Variants in MCTP1 observed in about 807,000 individuals in gnomAD.
MCTP1 encodes multiple C2 and transmembrane domain containing 1, also known as multiple C2 and transmembrane domain-containing protein 1.
In MCTP1, 69 loss-of-function variants were observed where a neutral mutation model predicts 120.6. The observed-to-expected ratio is 0.57, with a 90% CI of 0.47 to 0.70. The LOEUF is 0.70. MCTP1 is among the 30% of genes least tolerant of loss of function. The probability of loss-of-function intolerance (pLI) is 0.00; values close to 1 mark genes in which losing one functional copy is unlikely to be tolerated. For synonymous variants in MCTP1, 529 were observed against 493.1 expected (o/e 1.07, Z -0.96); for missense variants, 1,203 against 1,248.8 (o/e 0.96, Z 0.55).
At chr5:94,720,940 C>G (rs890456895) in intron 19 of MCTP1, among the ~76,000 whole-genome samples, 6 of 152,140 alleles carry the variant, frequency 3.9e-5, no homozygotes, top group South Asian at 2.1e-4. Flanking sequence ...TTTCTCCACT[C>G]TACAGAAGAG....
At chr5:95,126,375 G>A (rs1375326556) in intron 1 of MCTP1, among the ~76,000 whole-genome samples, 1 of 152,172 alleles carries the variant, frequency 6.6e-6, no homozygotes, top group East Asian at 1.9e-4. Context: ...ATGAAGGCGA[G>A]TCATAAATAA....
rs1368017737 is a variant in MCTP1, at chr5:95,284,001, TG to T, written c.574del (p.His192ThrfsTer51). 48 of 1,470,456 alleles carry T rather than the reference TG, an allele frequency of 3.3e-5. No homozygotes were observed. The highest frequency in any genetic ancestry group is 4.3e-5 in the Non-Finnish European group (48 of 1,114,504). The allele number at this position is 1,470,456 out of a possible 1,614,324, so 91.1% of individuals were successfully genotyped here. Reference sequence around the variant, plus strand: ...AGAGGAGCTCTTCTGGTGGCACAAGTGCGCCCCGGGGCCCTGACGCCGTGCA... The same window carrying T: ...AGAGGAGCTCTTCTGGTGGCACAAGTCGCCCCGGGGCCCTGACGCCGTGCA... ...EGARRQGPGA[H>X]LCHQKSSSLP... On this transcript the variant is annotated frameshift_variant, in exon 1 of 23. Coordinates refer to ENST00000515393, the MANE Select transcript of MCTP1 (RefSeq NM_024717.7). LOFTEE classifies it high-confidence loss of function. The surrounding 1 kb of genome is among the most constrained non-coding windows in gnomAD (Gnocchi z 5.2).
chr5:95,260,345 T>C (rs1007664410), intron 1 of MCTP1, among the ~76,000 whole-genome samples: 5 of 152,134 alleles, frequency 3.3e-5, no homozygotes, highest in African/African-American at 1.2e-4. Flanking sequence ...TTTAAAAAAA[T>C]AGACAATTGC....
At chr5:94,966,845 C>T (rs978335621) in intron 2 of MCTP1, among the ~76,000 whole-genome samples, 1 of 151,610 alleles carries the variant, frequency 6.6e-6, no homozygotes, top group Admixed American at 6.6e-5. Flanking sequence ...CAAACTCAAT[C>T]TCAAATCTGA....
chr5:95,197,764 T>C (rs908126188), intron 1 of MCTP1, among the ~76,000 whole-genome samples: 1 of 152,120 alleles, frequency 6.6e-6, no homozygotes, highest in African/African-American at 2.4e-5. Context: ...TATGCATGCA[T>C]ATAGAGTTGT....
chr5:95,010,333 G>A (rs1048769192), intron 2 of MCTP1, among the ~76,000 whole-genome samples: 11 of 151,722 alleles, frequency 7.3e-5, no homozygotes, highest in African/African-American at 1.5e-4. Context: ...CCATAATTCC[G>A]GTTCAAGCTC....
chr5:94,745,628 A>G (rs934746503), intron 19 of MCTP1, among the ~76,000 whole-genome samples: 9 of 152,210 alleles, frequency 5.9e-5, no homozygotes, highest in African/African-American at 2.2e-4. Context: ...GGGAGGCATC[A>G]TTATATTTAT....
chr5:94,710,500 G>T (rs10041551), intron 21 of MCTP1: 48,987 of 238,064 alleles, frequency 0.21, 6,267 homozygotes, highest in Non-Finnish European at 0.28. Context: ...GGATTGAAAT[G>T]CCTCTGTTTG....
chr5:95,238,518 C>A (rs1362611101), intron 1 of MCTP1, among the ~76,000 whole-genome samples: 1 of 152,074 alleles, frequency 6.6e-6, no homozygotes, highest in African/African-American at 2.4e-5. Context: ...ACGCAGATGC[C>A]AAATCAATGT....
intron 1 of MCTP1, among the ~76,000 whole-genome samples, chr5:95,265,231 TACA>T (rs200019008): frequency 0.013 from 1,924 of 152,192 alleles, 16 homozygotes; most frequent in Non-Finnish European, 0.021. Context: ...TGGCCTTCTG[TACA>T]ACAAGCTTCA....
chr5:95,066,617 A>G (rs1344630133), intron 1 of MCTP1, among the ~76,000 whole-genome samples: 1 of 152,242 alleles, frequency 6.6e-6, no homozygotes, highest in Non-Finnish European at 1.5e-5. Flanking sequence ...AAACTTATAA[A>G]GAAAATTTAA....
At chr5:94,750,197 G>A (rs1767961200) in intron 19 of MCTP1, among the ~76,000 whole-genome samples, 2 of 152,126 alleles carry the variant, frequency 1.3e-5, no homozygotes, top group South Asian at 4.2e-4. Flanking sequence ...CGCAGAGGGA[G>A]CTACCCGCCA....
intron 2 of MCTP1, among the ~76,000 whole-genome samples, chr5:94,975,504 C>G (rs1368912641): frequency 2.0e-5 from 3 of 151,910 alleles, no homozygotes; most frequent in Non-Finnish European, 4.4e-5. Context: ...CTGCTGGCAC[C>G]TTGATCTTAG....
chr5:94,744,015 A>G (rs1444885205), intron 19 of MCTP1, among the ~76,000 whole-genome samples: 2 of 151,386 alleles, frequency 1.3e-5, no homozygotes, highest in Non-Finnish European at 2.9e-5. Context: ...CCATCACCCA[A>G]GGTGGAGTGC....
In MCTP1 at chr5:95,284,595, C is replaced by T; in HGVS notation, c.-20G>A. On this transcript the variant is annotated 5_prime_UTR_variant, in exon 1 of 23. Coordinates refer to ENST00000515393, the MANE Select transcript of MCTP1 (RefSeq NM_024717.7). This position sits in a 1 kb window ranked among gnomAD's most constrained non-coding sequence, Gnocchi z 5.2. ...CTCCATCCTCCACCCCCTGCTCCTC[C>T]TCTCCCCTCCTCCTCCTCCTCCTCC... 7.1e-7 allele frequency: 1 copy of T among 1,402,120 alleles called. No homozygotes were observed. Among genetic ancestry groups the T allele is most frequent in the Non-Finnish European group, 9.2e-7 (1 of 1,088,084 alleles). The allele number at this position is 1,402,120 out of a possible 1,614,324, so 86.9% of individuals were successfully genotyped here. A position where few individuals can be genotyped will look rare whatever the true frequency, so the allele number is the denominator to read the frequency against.
chr5:95,266,884 C>T (rs754808330), intron 1 of MCTP1, among the ~76,000 whole-genome samples: 3 of 152,202 alleles, frequency 2.0e-5, no homozygotes, highest in Non-Finnish European at 4.4e-5. Flanking sequence ...GCTTATGTCG[C>T]CACTTCAATT....
intron 6 of MCTP1, among the ~76,000 whole-genome samples, chr5:94,929,149 T>A (rs976277559): frequency 6.6e-6 from 1 of 151,906 alleles, no homozygotes; most frequent in African/African-American, 2.4e-5. Flanking sequence ...AACAACCGAG[T>A]CGATTTAGCC....
At chr5:95,185,905 G>A (rs1054350022) in intron 1 of MCTP1, among the ~76,000 whole-genome samples, 3 of 152,022 alleles carry the variant, frequency 2.0e-5, no homozygotes, top group Non-Finnish European at 4.4e-5. Flanking sequence ...CAAAAGAATC[G>A]CTTGAACCCA....
At chr5:94,765,062 T>G (rs2086119715) in intron 19 of MCTP1, among the ~76,000 whole-genome samples, 1 of 151,812 alleles carries the variant, frequency 6.6e-6, no homozygotes, top group African/African-American at 2.4e-5. Context: ...CAGGCCCCAG[T>G]GAAATAAAAC....
Sources: allele counts gnomAD v4.1 joint callset (sites outside exome capture counted in the v4.1 genomes callset), GRCh38; gene constraint gnomAD v4.1.1; non-coding constraint Gnocchi (gnomAD v3.1); transcripts MANE v1.5; gene names NCBI Gene and HGNC (gene_info 2026-07-23, HGNC 2026-07-21).